Variants in PPFIA2 observed in about 807,000 individuals in gnomAD.
PPFIA2 encodes the protein liprin-alpha-2.
PPFIA2 carries 46 observed loss-of-function variants against 175.5 expected under a neutral mutation model. That is an observed-to-expected ratio of 0.26 (90% CI 0.21 to 0.34). PPFIA2 has a LOEUF of 0.34. Ranked by LOEUF, PPFIA2 falls within the 10% of genes least tolerant of loss-of-function variation. The probability of loss-of-function intolerance (pLI) is 1.00; values close to 1 mark genes in which losing one functional copy is unlikely to be tolerated. For missense variants in PPFIA2, 1,179 were observed against 1,506.1 expected, an observed-to-expected ratio of 0.78 and a Z score of 3.60; for synonymous variants, 568 against 511.4, an observed-to-expected ratio of 1.11 and a Z score of -1.49.
intron 8 of PPFIA2, 139 bp from the exon 9 acceptor site, chr12:81,384,383 A>AGT: frequency 1.5e-6 from 1 of 659,718 alleles, no homozygotes; most frequent in Non-Finnish European, 2.5e-6. Context: ...TTTTGCCGAA[A>AGT]AACTAAGTTT....
At chr12:81,668,110 C>T (rs938797445) in intron 4 of PPFIA2, among the ~76,000 whole-genome samples, 13 of 152,046 alleles carry the variant, frequency 8.6e-5, no homozygotes, top group African/African-American at 3.1e-4. Context: ...TTGCTATTTG[C>T]TTTCTGACTA....
chr12:81,409,776 T>C (rs555128529), intron 7 of PPFIA2, among the ~76,000 whole-genome samples: 4 of 152,286 alleles, frequency 2.6e-5, no homozygotes, highest in Non-Finnish European at 5.9e-5. Context: ...ACCCAGTTCT[T>C]ATATAACTGT....
At chr12:81,614,607 C>T (rs1174209308) in intron 4 of PPFIA2, among the ~76,000 whole-genome samples, 1 of 152,146 alleles carries the variant, frequency 6.6e-6, no homozygotes, top group Non-Finnish European at 1.5e-5. Flanking sequence ...ATCAAGATCT[C>T]TACTGCCACT....
chr12:81,535,795 T>A (rs939346038), intron 4 of PPFIA2, among the ~76,000 whole-genome samples: 3 of 151,800 alleles, frequency 2.0e-5, no homozygotes, highest in Non-Finnish European at 4.4e-5. Flanking sequence ...GAATGTATTT[T>A]CTTTTATTTT....
chr12:81,322,384 G>C (rs1254688560), intron 22 of PPFIA2, among the ~76,000 whole-genome samples: 1 of 152,118 alleles, frequency 6.6e-6, no homozygotes, highest in Admixed American at 6.6e-5. Flanking sequence ...ATCTCAGAGA[G>C]TCATGGCATC....
chr12:81,497,643 G>A (rs975930222), intron 4 of PPFIA2, among the ~76,000 whole-genome samples: 3 of 148,656 alleles, frequency 2.0e-5, no homozygotes, highest in African/African-American at 5.0e-5. Context: ...AGGTTCAAGC[G>A]ATTCTCCTGT....
intron 14 of PPFIA2, among the ~76,000 whole-genome samples, chr12:81,364,304 G>A (rs147140476): frequency 1.1e-3 from 168 of 151,876 alleles, no homozygotes; most frequent in Non-Finnish European, 2.2e-3. Flanking sequence ...CCTAAAAGAG[G>A]TTGTAAACCA....
chr12:81,408,910 A>G (rs977897738), intron 7 of PPFIA2, among the ~76,000 whole-genome samples: 2 of 152,196 alleles, frequency 1.3e-5, no homozygotes, highest in Admixed American at 1.3e-4. Context: ...AAGTTTCAGC[A>G]CCTGATTTAA....
At chr12:81,369,266 A>ATAAAATG (rs1566499009) in intron 11 of PPFIA2, 72 bp from the exon 12 acceptor site, 23 of 1,558,286 alleles carry the variant, frequency 1.5e-5, no homozygotes, top group Non-Finnish European at 1.8e-5. Context: ...ATAAATTGAA[A>ATAAAATG]TAAAATGTAA....
chr12:81,512,261 C>A (rs1296508082), intron 4 of PPFIA2: 16 of 1,246,582 alleles, frequency 1.3e-5, no homozygotes, highest in South Asian at 5.0e-5. Context: ...AATCTAAACA[C>A]CTCATGCTGA....
intron 9 of PPFIA2, 112 bp downstream of exon 9, chr12:81,383,911 G>T (rs2038342508): frequency 7.3e-6 from 6 of 817,270 alleles, no homozygotes; most frequent in Non-Finnish European, 5.7e-6. Context: ...GCATGCCAAA[G>T]TATGGTCTTT....
chr12:81,581,509 T>C (rs116860939), intron 4 of PPFIA2, among the ~76,000 whole-genome samples: 3,008 of 151,880 alleles, frequency 0.02, 57 homozygotes, highest in Non-Finnish European at 0.029. Context: ...TCATTTAAAC[T>C]GCACACTCTA....
intron 8 of PPFIA2, among the ~76,000 whole-genome samples, chr12:81,387,200 T>C (rs2142091679): frequency 2.0e-5 from 3 of 152,282 alleles, no homozygotes; most frequent in Middle Eastern, 6.8e-3. Context: ...ATTTGTGCTA[T>C]CTCCAACTAT....
chr12:81,389,131 A>G (rs972537472), intron 8 of PPFIA2, among the ~76,000 whole-genome samples: 2 of 148,234 alleles, frequency 1.3e-5, no homozygotes, highest in Admixed American at 1.4e-4. Context: ...TATTTTATAT[A>G]TATATATATA....
intron 16 of PPFIA2, among the ~76,000 whole-genome samples, chr12:81,357,508 A>G (rs528039757): frequency 2.6e-5 from 4 of 152,240 alleles, no homozygotes; most frequent in Non-Finnish European, 5.9e-5. Context: ...AAATTAAGTT[A>G]CTGACTGAAT....
At position 81,547,699 on chromosome 12, in the gene PPFIA2, C is replaced by A. The variant is rs148796630; in HGVS notation, c.304-89833G>T. Among the ~76,000 whole-genome samples, 20 of 152,192 alleles carry A rather than the reference C, an allele frequency of 1.3e-4. No homozygotes were observed. In the East Asian group the frequency reaches 2.3e-3, roughly 18 times the overall value. ...GATAACTGGGGAATTGGGTGCAAGT[C>A]CACCATAATCTGTTGACACTCTATA... is the stretch of plus-strand genomic sequence containing the variant. On this transcript the variant is annotated intron_variant, in intron 4 of 32. Coordinates refer to ENST00000549396, the MANE Select transcript of PPFIA2 (RefSeq NM_003625.5).
chr12:81,561,907 G>T (rs2070185526), intron 4 of PPFIA2, among the ~76,000 whole-genome samples: 1 of 152,102 alleles, frequency 6.6e-6, no homozygotes, highest in Admixed American at 6.6e-5. Flanking sequence ...CATCTACCTG[G>T]AGTATTCTTT....
rs1259603882 is a variant in PPFIA2 at position 81,536,940 on chromosome 12, TA to T, written c.304-79075del. The stretch of plus-strand genomic sequence containing the variant: ...GACTGATGGGAAAGTAAACATTTTT[TA>T]AAATTCATGATAAGTTCCCCACCGG... On this transcript the variant is annotated intron_variant, in intron 4 of 32. Coordinates refer to ENST00000549396, the MANE Select transcript of PPFIA2 (RefSeq NM_003625.5). Among the ~76,000 whole-genome samples, 3 of 151,214 alleles carry T rather than the reference TA, an allele frequency of 2.0e-5. No individual in the cohort carries two copies. The East Asian group carries it at 5.8e-4, about 29-fold the overall frequency.
chr12:81,654,964 G>T (rs1171081240), intron 4 of PPFIA2, among the ~76,000 whole-genome samples: 2 of 151,984 alleles, frequency 1.3e-5, no homozygotes, highest in Admixed American at 6.6e-5. Context: ...TGTGAGAGGA[G>T]ATTTTTAATT....
Sources: allele counts gnomAD v4.1 joint callset (sites outside exome capture counted in the v4.1 genomes callset), GRCh38; gene constraint gnomAD v4.1.1; transcripts MANE v1.5; gene names NCBI Gene and HGNC (gene_info 2026-07-23, HGNC 2026-07-21).